SH3GL2: variants seen among roughly 807,000 people sequenced by gnomAD.
The protein encoded by SH3GL2 is SH3 domain containing GRB2 like 2, endophilin A1.
SH3GL2 carries 24 observed loss-of-function variants against 46.0 expected under a neutral mutation model. The observed-to-expected ratio is 0.52, with a 90% CI of 0.38 to 0.73. The LOEUF is 0.73. SH3GL2 is among the 30% of genes least tolerant of loss of function. The probability of loss-of-function intolerance (pLI) is 0.00; values close to 1 mark genes in which losing one functional copy is unlikely to be tolerated. For synonymous variants in SH3GL2, 196 were observed against 147.1 expected, an observed-to-expected ratio of 1.33 and a Z score of -2.40; for missense variants, 413 against 424.2, an observed-to-expected ratio of 0.97 and a Z score of 0.23.
chr9:17,604,873 G>T (rs1271016162), intron 1 of SH3GL2, among the ~76,000 whole-genome samples: 1 of 152,088 alleles, frequency 6.6e-6, no homozygotes, highest in Admixed American at 6.5e-5. Context: ...GGGGTCACCG[G>T]ACTTCTCTAG....
In SH3GL2 at chr9:17,727,340, G is replaced by A. The variant is rs543546189; in HGVS notation, c.46-19726G>A. Among the ~76,000 whole-genome samples the A allele has an allele frequency of 3.5e-4, 54 of 152,258 alleles. No individual in the cohort carries two copies. The South Asian group carries it at 6.6e-3, about 19-fold the overall frequency. ...TAGGCTGTTTTTGAACAGCTCACAA[G>A]CTAAGAATGACGTTTACATTTTAAA... On this transcript the variant is annotated intron_variant, in intron 1 of 8. Coordinates refer to ENST00000380607, the MANE Select transcript of SH3GL2 (RefSeq NM_003026.5).
At chr9:17,644,325 T>C (rs9406684) in intron 1 of SH3GL2, among the ~76,000 whole-genome samples, 77,012 of 151,580 alleles carry the variant, frequency 0.51, 20,836 homozygotes, top group Non-Finnish European at 0.62. Flanking sequence ...TTTTTTATCT[T>C]CTTCAGTTCT....
chr9:17,706,323 A>G (rs756964820), intron 1 of SH3GL2, among the ~76,000 whole-genome samples: 36 of 152,040 alleles, frequency 2.4e-4, no homozygotes, highest in Non-Finnish European at 3.5e-4. Context: ...GAAGTTTTGA[A>G]TAAAGCATAA....
chr9:17,748,026 A>T (rs1389501025), intron 2 of SH3GL2, among the ~76,000 whole-genome samples: 1 of 152,052 alleles, frequency 6.6e-6, no homozygotes, highest in Non-Finnish European at 1.5e-5. Context: ...CATTTGGGGG[A>T]TTTTAGTTAA....
chr9:17,739,005 C>G (rs1822445342), intron 1 of SH3GL2, among the ~76,000 whole-genome samples: 1 of 152,088 alleles, frequency 6.6e-6, no homozygotes, highest in Admixed American at 6.6e-5. Context: ...GCATGCAACT[C>G]ACTGTCACAG....
intron 1 of SH3GL2, among the ~76,000 whole-genome samples, chr9:17,581,923 T>A (rs1024616404): frequency 1.7e-4 from 26 of 152,176 alleles, no homozygotes; most frequent in Admixed American, 1.7e-3. Context: ...GGTCTCGAAC[T>A]CCTGACCTCA....
At chr9:17,767,534 G>A (rs1018166075) in intron 3 of SH3GL2, among the ~76,000 whole-genome samples, 1 of 152,178 alleles carries the variant, frequency 6.6e-6, no homozygotes, top group African/African-American at 2.4e-5. Flanking sequence ...ACAACACACT[G>A]AATTTACTGT....
intron 1 of SH3GL2, among the ~76,000 whole-genome samples, chr9:17,677,464 G>T (rs1158411005): frequency 6.6e-6 from 1 of 151,974 alleles, no homozygotes; most frequent in African/African-American, 2.4e-5. Flanking sequence ...TTATTTGGGG[G>T]TCTGCAACAT....
intron 2 of SH3GL2, among the ~76,000 whole-genome samples, chr9:17,751,340 G>C (rs916954949): frequency 2.9e-4 from 44 of 152,232 alleles, no homozygotes; most frequent in African/African-American, 1.0e-3. Context: ...GGTGGAGAGG[G>C]GTTCAATTTT....
In SH3GL2 at chr9:17,732,751, C is replaced by G. The variant is rs114473857; in HGVS notation, c.46-14315C>G. Among the ~76,000 whole-genome samples the G allele has an allele frequency of 3.6e-3, 553 of 152,176 alleles. 5 individuals carry two copies. Among genetic ancestry groups the G allele is most frequent in the African/African-American group, 0.011 (449 of 41,522 alleles). ...ACAGTAAAACCTAATTGATTTTAAT[C>G]AATTCTTGTTCATTTCCAAGAAAAT... On this transcript the variant is annotated intron_variant, in intron 1 of 8. Coordinates refer to ENST00000380607, the MANE Select transcript of SH3GL2 (RefSeq NM_003026.5).
intron 1 of SH3GL2, among the ~76,000 whole-genome samples, chr9:17,656,990 T>C (rs1820096787): frequency 1.3e-5 from 2 of 152,152 alleles, no homozygotes; most frequent in African/African-American, 4.8e-5. Context: ...ATGTTTGAAG[T>C]ATTCTTGAAC....
chr9:17,672,546 G>C (rs1820500282), intron 1 of SH3GL2, among the ~76,000 whole-genome samples: 1 of 152,152 alleles, frequency 6.6e-6, no homozygotes, highest in African/African-American at 2.4e-5. Flanking sequence ...CTTTAGTTTA[G>C]TGAATGTGGG....
At chr9:17,714,363 A>G (rs1046161860) in intron 1 of SH3GL2, among the ~76,000 whole-genome samples, 2 of 151,752 alleles carry the variant, frequency 1.3e-5, no homozygotes, top group Admixed American at 6.6e-5. Flanking sequence ...TTTTAATATG[A>G]TTATTCATAT....
At chr9:17,713,011 C>T (rs1821669864) in intron 1 of SH3GL2, among the ~76,000 whole-genome samples, 1 of 151,494 alleles carries the variant, frequency 6.6e-6, no homozygotes, top group Non-Finnish European at 1.5e-5. Flanking sequence ...GTTAGCTATA[C>T]ATTTTTCTTA....
intron 1 of SH3GL2, among the ~76,000 whole-genome samples, chr9:17,658,221 G>A (rs538033835): frequency 2.0e-5 from 3 of 152,318 alleles, no homozygotes; most frequent in African/African-American, 7.2e-5. Flanking sequence ...AAAAACCCCA[G>A]TCTAGAGCAT....
rs769076879 is a variant in SH3GL2, at chr9:17,791,227, G to T, written c.625-4G>T. On this transcript the variant is annotated splice_region_variant and splice_polypyrimidine_tract_variant and intron_variant, in intron 6 of 8. Transcript: ENST00000380607. ...TAAGGCATGATTTTCCCATCAATCTGCAGATTGAACAAGTGAGCCAGCTCT... is the reference window on the plus strand; with the variant it reads ...TAAGGCATGATTTTCCCATCAATCTTCAGATTGAACAAGTGAGCCAGCTCT... The T allele has an allele frequency of 1.2e-6, 2 of 1,607,502 alleles. No individual in the cohort carries two copies. The highest frequency in any genetic ancestry group is 1.7e-6 in the Non-Finnish European group (2 of 1,174,084).
At chr9:17,634,290 C>T (rs1305971313) in intron 1 of SH3GL2, among the ~76,000 whole-genome samples, 1 of 152,186 alleles carries the variant, frequency 6.6e-6, no homozygotes, top group African/African-American at 2.4e-5. Context: ...TACATATTTT[C>T]TTCTTGTTAC....
chr9:17,603,937 G>A (rs1318256958), intron 1 of SH3GL2, among the ~76,000 whole-genome samples: 1 of 152,152 alleles, frequency 6.6e-6, no homozygotes, highest in East Asian at 1.9e-4. Flanking sequence ...TACAAGTTAA[G>A]ATGGTAAATT....
chr9:17,622,987 T>TTTCCTTTCCTTTCCG (rs1340505865), intron 1 of SH3GL2, among the ~76,000 whole-genome samples: 1,429 of 52,406 alleles, frequency 0.027, 111 homozygotes, highest in African/African-American at 0.055. Flanking sequence ...TTTCCTTTCG[T>TTTCCTTTCCTTTCCG]TTCCTTTCCT....
Sources: gnomAD v4.1 joint callset for allele counts (sites outside exome capture counted in the v4.1 genomes callset) on GRCh38, gnomAD v4.1.1 for gene constraint, MANE v1.5 for transcripts, NCBI Gene and HGNC (gene_info 2026-07-23, HGNC 2026-07-21) for gene names.